The following CHD1L variants were observed in gnomAD, a reference collection of about 807,000 sequenced individuals.
CHD1L encodes the protein chromodomain helicase DNA binding protein 1 like.
Under a neutral mutation model 115.9 loss-of-function variants are expected in CHD1L, and 118 were observed. The observed-to-expected ratio is 1.02, with a 90% CI of 0.88 to 1.19. The LOEUF (loss-of-function observed/expected upper bound fraction) is 1.19. Among genes scored for constraint, CHD1L ranks in the 50% most tolerant of loss-of-function variants. The pLI, the probability that CHD1L is intolerant of heterozygous loss-of-function variation, is 0.00. For synonymous variants in CHD1L, 411 were observed against 387.1 expected (o/e 1.06, Z -0.72); for missense variants, 1,179 against 1,065.3 (o/e 1.11, Z -1.49).
rs1553937308 is a variant in CHD1L at position 147,252,710 on chromosome 1, A to G, written c.215A>G (p.Glu72Gly). 6.2e-7 allele frequency: 1 copy of G among 1,613,902 alleles called. No individual in the cohort carries two copies. The highest frequency in any genetic ancestry group is 1.3e-5 in the African/African-American group (1 of 74,926). Reference sequence around the variant, plus strand: ...CAGAATGGCTGTATCCTGGGAGATGAGATGGGCCTGGGGAAGACCTGCCAG... The same window carrying G: ...CAGAATGGCTGTATCCTGGGAGATGGGATGGGCCTGGGGAAGACCTGCCAG... ...HCQNGCILGD[E>G]MGLGKTCQTI... The change falls in exon 2 of 23, where the codon GAG (glutamate) becomes GGG (glycine). Residue 72 changes from glutamate (E) to glycine (G), a missense_variant. Physicochemically the swap from Glu to Gly is moderately conservative, Grantham distance 98 (BLOSUM62 -2). Transcript: ENST00000369258.
intron 1 of CHD1L, among the ~76,000 whole-genome samples, chr1:147,249,193 G>A (rs868982498): frequency 1.4e-4 from 21 of 151,976 alleles, no homozygotes; most frequent in African/African-American, 1.7e-4. Flanking sequence ...TTGATTACAG[G>A]AGTCTGGATT....
At chr1:147,228,062 GGTTA>G in the CHD1L span, among the ~76,000 whole-genome samples, 2 of 151,714 alleles carry the variant, frequency 1.3e-5, no homozygotes, top group African/African-American at 4.8e-5. Context: ...ACAACGTGCA[GGTTA>G]GTTACATATG....
At chr1:147,268,126 T>C (rs1674674796) in intron 9 of CHD1L, among the ~76,000 whole-genome samples, 2 of 152,222 alleles carry the variant, frequency 1.3e-5, no homozygotes, top group Admixed American at 6.5e-5. Flanking sequence ...ATCTGCTCCT[T>C]CTCAGTCTCC....
chr1:147,223,978 A>G, the CHD1L span: 2 of 409,400 alleles, frequency 4.9e-6, no homozygotes, highest in Non-Finnish European at 4.8e-6. Flanking sequence ...GGGTTAACAC[A>G]ATCACCACCT....
At chr1:147,261,421 A>C in intron 6 of CHD1L, among the ~76,000 whole-genome samples, 1 of 129,614 alleles carries the variant, frequency 7.7e-6, no homozygotes, top group Non-Finnish European at 1.8e-5. Context: ...TTTATATATA[A>C]AGGCCTTAAT....
In CHD1L at chr1:147,287,723, GA is replaced by G. The variant is rs782688146; in HGVS notation, c.2314del (p.Met772Ter). ...EPRKIYELAG[K>X]MKDLSLGGVL... is the part of the protein sequence containing the mutation. ...CAAGAAAAATATATGAGCTGGCTGG[GA>G]AAATGAAAGGTAAGAAGCAAAGCAG... is the stretch of plus-strand genomic sequence containing the variant. On this transcript the variant is annotated frameshift_variant, in exon 19 of 23. Transcript: ENST00000369258. LOFTEE classifies it high-confidence loss of function. The G allele has an allele frequency of 1.2e-6, 2 of 1,613,868 alleles. No homozygotes were observed. Among genetic ancestry groups the G allele is most frequent in the East Asian group, 2.2e-5 (1 of 44,872 alleles).
At chr1:147,261,191 A>G (rs587700693) in intron 6 of CHD1L, among the ~76,000 whole-genome samples, 1 of 152,152 alleles carries the variant, frequency 6.6e-6, no homozygotes, top group African/African-American at 2.4e-5. Flanking sequence ...TTTTAACAGT[A>G]TCTCCTTCTG....
At chr1:147,203,825 C>T in the CHD1L span, 10 of 1,558,682 alleles carry the variant, frequency 6.4e-6, no homozygotes, top group Non-Finnish European at 8.8e-6. Flanking sequence ...AGAAATGATG[C>T]CATCTTCCTT....
At chr1:147,282,020 T>C (rs1681087650) in intron 15 of CHD1L, among the ~76,000 whole-genome samples, 1 of 152,198 alleles carries the variant, frequency 6.6e-6, no homozygotes, top group Admixed American at 6.5e-5. Context: ...GTCACCATGG[T>C]ACCTCTTTTT....
In CHD1L at chr1:147,265,965, T is replaced by C; in HGVS notation, c.773T>C (p.Leu258Pro). Residue 258 changes from leucine to proline, a missense_variant, in exon 8 of 23, where the codon CTG becomes CCG. By Grantham distance (98) the Leu-to-Pro change is moderately conservative. Transcript: ENST00000369258. ...CTGCACAAACTCTTGCAGCCATTTC[T>C]GCTGAGGCGAGTGAAAGCTGAGGTA... ...SELHKLLQPF[L>P]LRRVKAEVAT... 1 of 1,613,732 alleles carries C rather than the reference T, an allele frequency of 6.2e-7. No homozygotes were observed. The highest frequency in any genetic ancestry group is 8.5e-7 in the Non-Finnish European group (1 of 1,179,794).
intron 12 of CHD1L, among the ~76,000 whole-genome samples, chr1:147,273,417 T>C (rs1301967582): frequency 2.0e-5 from 3 of 152,218 alleles, no homozygotes; most frequent in Non-Finnish European, 4.4e-5. Flanking sequence ...GTGTTAGATA[T>C]AATTTTTGAT....
chr1:147,201,232 A>AT, the CHD1L span: 6 of 1,614,158 alleles, frequency 3.7e-6, no homozygotes, highest in African/African-American at 2.7e-5. Flanking sequence ...CAAGCCTATG[A>AT]TTGCAAGAGT....
chr1:147,271,242 T>C (rs1457646956), intron 11 of CHD1L: 1 of 375,914 alleles, frequency 2.7e-6, no homozygotes, highest in Non-Finnish European at 4.8e-6. Context: ...GTTACATGAT[T>C]TAAAATTATG....
the CHD1L span, among the ~76,000 whole-genome samples, chr1:147,218,049 A>G: frequency 1.3e-5 from 2 of 152,222 alleles, no homozygotes; most frequent in African/African-American, 2.4e-5. Context: ...ATACATCAAC[A>G]TTTATCTCAA....
chr1:147,286,483 T>C lies in CHD1L; in HGVS notation c.2204T>C (p.Leu735Pro). 2 of 1,613,802 alleles carry C rather than the reference T, an allele frequency of 1.2e-6. No individual in the cohort carries two copies. Among genetic ancestry groups the C allele is most frequent in the Admixed American group, 1.7e-5 (1 of 60,018 alleles). Residue 735 changes from leucine (L) to proline (P), a missense_variant, in exon 18 of 23, where the codon CTC (leucine) becomes CCC (proline). Coordinates refer to ENST00000369258, the MANE Select transcript of CHD1L (RefSeq NM_004284.6). ...THPQAGAEDA[L>P]IVHCVDDSGH... ...CCTCAGGCTGGGGCCGAGGATGCTC[T>C]CATTGTGCACTGCGTAGGTACGAGA...
the CHD1L span, chr1:147,223,944 A>G: frequency 2.6e-6 from 1 of 378,582 alleles, no homozygotes; most frequent in Non-Finnish European, 5.1e-6. Flanking sequence ...ACCCCCATCG[A>G]GACACCACCC....
At position 147,282,296 on chromosome 1, in the gene CHD1L, T is replaced by G. The variant is rs587663791; in HGVS notation, c.1706-2055T>G. 2.0e-5 allele frequency among the ~76,000 whole-genome samples: 3 copies of G among 152,270 alleles called. No homozygotes were observed. The South Asian group carries it at 6.2e-4, about 32-fold the overall frequency. ...CTTCTAGTATTTTCCCTGGGAGAGG[T>G]GAGAATGGAGTTCACCTGGTTGCTG... On this transcript the variant is annotated intron_variant, in intron 15 of 22. Coordinates refer to ENST00000369258, the MANE Select transcript of CHD1L (RefSeq NM_004284.6).
the CHD1L span, chr1:147,187,107 C>T: frequency 2.5e-6 from 4 of 1,613,928 alleles, no homozygotes; most frequent in East Asian, 6.7e-5. Flanking sequence ...TGCAGGGTCC[C>T]AGTAATAAGT....
At position 147,295,410 on chromosome 1, in the gene CHD1L, TTCCTTGACCA is replaced by T; in HGVS notation, c.2616-15_2616-6del. On this transcript the variant is annotated splice_polypyrimidine_tract_variant and intron_variant, in intron 22 of 22. Transcript: ENST00000369258. The stretch of plus-strand genomic sequence containing the variant: ...TTGGTTTAAAGTGATGACATGTATC[TTCCTTGACCA>T]TCCTTATCAGATATTATTTTCCTAG... 6.4e-7 allele frequency: 1 copy of T among 1,559,262 alleles called. No individual in the cohort carries two copies. Among genetic ancestry groups the T allele is most frequent in the Non-Finnish European group, 8.8e-7 (1 of 1,132,190 alleles).
Sources: gnomAD v4.1 joint callset for allele counts (sites outside exome capture counted in the v4.1 genomes callset) on GRCh38, gnomAD v4.1.1 for gene constraint, MANE v1.5 for transcripts, NCBI Gene and HGNC (gene_info 2026-07-23, HGNC 2026-07-21) for gene names.